The following GSK3B variants were observed in gnomAD, a reference collection of about 807,000 sequenced individuals.
GSK3B encodes glycogen synthase kinase-3 beta.
A neutral mutation model predicts 56.4 loss-of-function variants in GSK3B; 15 were observed. The ratio of observed to expected loss-of-function variants is 0.27; its 90% CI spans 0.18 to 0.41. GSK3B has a LOEUF of 0.41. Ranked by LOEUF, GSK3B falls within the 10% of genes least tolerant of loss-of-function variation. The probability of loss-of-function intolerance (pLI) is 1.00; values close to 1 mark genes in which losing one functional copy is unlikely to be tolerated. For missense variants in GSK3B, 300 were observed against 513.4 expected, an observed-to-expected ratio of 0.58 and a Z score of 4.02; for synonymous variants, 181 against 188.9, an observed-to-expected ratio of 0.96 and a Z score of 0.34.
Position 119,823,682 on chromosome 3 carries a change from C to G in GSK3B, c.*3106G>C, listed in dbSNP as rs1281132055. The stretch of plus-strand genomic sequence containing the variant: ...TGAATGGACTAAGTATGAAATGAAA[C>G]CGGTCTCACTGCTACCGAGGAGGAA... On this transcript the variant is annotated 3_prime_UTR_variant, in exon 11 of 11. Transcript: ENST00000264235. 1 of 183,240 alleles carries G rather than the reference C, an allele frequency of 5.5e-6. No individual in the cohort carries two copies. Among genetic ancestry groups the G allele is most frequent in the African/African-American group, 2.4e-5 (1 of 42,504 alleles). The allele number at this position is 183,240 out of a possible 1,614,324, so 11.4% of individuals were successfully genotyped here.
chr3:119,943,023 T>A (rs1426519994), intron 3 of GSK3B, among the ~76,000 whole-genome samples: 2 of 152,164 alleles, frequency 1.3e-5, no homozygotes, highest in Admixed American at 6.5e-5. Context: ...TTAGTACACA[T>A]CTCTAATCTC....
intron 2 of GSK3B, among the ~76,000 whole-genome samples, chr3:119,969,056 C>T (rs886289472): frequency 4.6e-5 from 7 of 152,034 alleles, no homozygotes; most frequent in East Asian, 3.8e-4. Context: ...CTTGGGGAGG[C>T]GGAGGTGGGT....
intron 2 of GSK3B, among the ~76,000 whole-genome samples, chr3:119,954,229 GAA>G (rs2057187299): frequency 3.5e-5 from 1 of 28,718 alleles, no homozygotes; most frequent in Non-Finnish European, 8.1e-5. Context: ...AAGGAGAATA[GAA>G]TAGAATAGAA....
intron 2 of GSK3B, among the ~76,000 whole-genome samples, chr3:119,992,764 A>C (rs937875493): frequency 6.6e-6 from 1 of 152,022 alleles, no homozygotes; most frequent in African/African-American, 2.4e-5. Context: ...AAAATGGACC[A>C]AAAAAAGGAC....
intron 1 of GSK3B, among the ~76,000 whole-genome samples, chr3:120,011,420 T>C (rs377715829): frequency 3.7e-4 from 56 of 152,308 alleles, no homozygotes; most frequent in South Asian, 3.5e-3. Context: ...TATCCCAGCA[T>C]CATAATTTGC....
chr3:120,087,826 C>G (rs112627323), intron 1 of GSK3B, among the ~76,000 whole-genome samples: 3,947 of 152,124 alleles, frequency 0.026, 173 homozygotes, highest in African/African-American at 0.089. Flanking sequence ...GACCTCTCTT[C>G]CCAAAATATA....
chr3:119,929,604 C>CA (rs148503172), intron 3 of GSK3B, among the ~76,000 whole-genome samples: 14,846 of 151,626 alleles, frequency 0.098, 852 homozygotes, highest in Non-Finnish European at 0.12. Context: ...ACCATTTCTA[C>CA]AAAAAAACAA....
At chr3:119,846,793 C>T (rs1040032362) in intron 9 of GSK3B, among the ~76,000 whole-genome samples, 6 of 152,122 alleles carry the variant, frequency 3.9e-5, no homozygotes, top group Non-Finnish European at 8.8e-5. Context: ...TGGGTATATA[C>T]CCAAAGGATT....
chr3:119,934,238 T>G (rs552838886), intron 3 of GSK3B, among the ~76,000 whole-genome samples: 1 of 152,114 alleles, frequency 6.6e-6, no homozygotes, highest in Admixed American at 6.5e-5. Flanking sequence ...AAACACTACA[T>G]CAGTCAGGTG....
At chr3:119,910,403 G>A (rs931021418) in intron 6 of GSK3B, among the ~76,000 whole-genome samples, 1 of 152,108 alleles carries the variant, frequency 6.6e-6, no homozygotes, top group Non-Finnish European at 1.5e-5. Context: ...ACTCTATACT[G>A]TAGTCTATTA....
intron 2 of GSK3B, among the ~76,000 whole-genome samples, chr3:119,948,820 T>A (rs921630680): frequency 4.6e-5 from 7 of 152,170 alleles, no homozygotes; most frequent in Admixed American, 1.3e-4. Context: ...TGCCTCAGCC[T>A]CCTGAGTAGC....
intron 2 of GSK3B, among the ~76,000 whole-genome samples, chr3:119,998,576 G>C (rs1407361256): frequency 6.6e-6 from 1 of 152,094 alleles, no homozygotes; most frequent in Non-Finnish European, 1.5e-5. Flanking sequence ...ATTTTAAATG[G>C]GTTTTAACAA....
At chr3:120,074,079 T>C (rs1056451840) in intron 1 of GSK3B, among the ~76,000 whole-genome samples, 22 of 152,046 alleles carry the variant, frequency 1.4e-4, no homozygotes, top group Non-Finnish European at 5.9e-5. Flanking sequence ...CCGAGGTGGA[T>C]AGATCACTTG....
intron 7 of GSK3B, among the ~76,000 whole-genome samples, chr3:119,897,300 A>T (rs912606887): frequency 1.3e-5 from 2 of 152,182 alleles, no homozygotes; most frequent in African/African-American, 2.4e-5. Context: ...TCATAATATT[A>T]GTTAAAATTA....
At chr3:119,903,860 G>A (rs1018515094) in intron 7 of GSK3B, among the ~76,000 whole-genome samples, 16 of 152,230 alleles carry the variant, frequency 1.1e-4, no homozygotes, top group East Asian at 9.7e-4. Flanking sequence ...GCTCAAGTAC[G>A]TCAAATAAAA....
At chr3:119,911,806 C>G (rs1161491603) in intron 6 of GSK3B, among the ~76,000 whole-genome samples, 1 of 152,158 alleles carries the variant, frequency 6.6e-6, no homozygotes, top group Non-Finnish European at 1.5e-5. Context: ...TGTGTAGCTT[C>G]CTCACCTCTC....
At position 119,865,430 on chromosome 3, in the gene GSK3B, T is replaced by C. The variant is rs140442947; in HGVS notation, c.910-1825A>G. Among the ~76,000 whole-genome samples the C allele has an allele frequency of 5.4e-3, 659 of 121,910 alleles. 9 individuals carry two copies. Among genetic ancestry groups the C allele is most frequent in the African/African-American group, 0.018 (639 of 35,270 alleles). 80.0% of individuals were successfully genotyped at this position (121,910 alleles called of 152,430 possible). A position where few individuals can be genotyped will look rare whatever the true frequency, so the allele number is the denominator to read the frequency against. On this transcript the variant is annotated intron_variant, in intron 8 of 10. Transcript: ENST00000264235. ...TTAATAAACCAGTATTATAAGCTTA[T>C]TTCCGATATATATATATATATATAT...
chr3:119,966,022 C>T (rs758000409), intron 2 of GSK3B, among the ~76,000 whole-genome samples: 16 of 152,230 alleles, frequency 1.1e-4, no homozygotes, highest in Non-Finnish European at 2.2e-4. Flanking sequence ...AAATCATGAA[C>T]TCCCACAGCT....
chr3:120,017,083 A>T (rs1385762067), intron 1 of GSK3B, among the ~76,000 whole-genome samples: 2 of 152,242 alleles, frequency 1.3e-5, no homozygotes, highest in Admixed American at 6.5e-5. Context: ...TTTGATTTAC[A>T]AGCTGCCCAA....
Sources: allele counts gnomAD v4.1 joint callset (sites outside exome capture counted in the v4.1 genomes callset), GRCh38; gene constraint gnomAD v4.1.1; transcripts MANE v1.5; gene names NCBI Gene and HGNC (gene_info 2026-07-23, HGNC 2026-07-21).